PIK3CA: variants seen among roughly 807,000 people sequenced by gnomAD.
The protein encoded by PIK3CA is phosphatidylinositol-4,5-bisphosphate 3-kinase catalytic subunit alpha.
In PIK3CA, 27 loss-of-function variants were observed where a neutral mutation model predicts 138.2. The observed-to-expected ratio is 0.20, with a 90% CI of 0.14 to 0.27. The LOEUF (loss-of-function observed/expected upper bound fraction) is 0.27. Ranked by LOEUF, PIK3CA falls within the 10% of genes least tolerant of loss-of-function variation. PIK3CA has a pLI of 1.00. For synonymous variants in PIK3CA, 358 were observed against 413.2 expected, an observed-to-expected ratio of 0.87 and a Z score of 1.62; for missense variants, 544 against 1,277.4, an observed-to-expected ratio of 0.43 and a Z score of 8.75.
chr3:179,200,448 A>AT (rs1724382199), intron 3 of PIK3CA, among the ~76,000 whole-genome samples: 1 of 152,122 alleles, frequency 6.6e-6, no homozygotes. Flanking sequence ...ATTGTATCAG[A>AT]TAAATATCTA....
At chr3:179,196,167 G>T (rs1005279124) in intron 1 of PIK3CA, among the ~76,000 whole-genome samples, 2 of 152,128 alleles carry the variant, frequency 1.3e-5, no homozygotes, top group Non-Finnish European at 2.9e-5. Flanking sequence ...AACATATGAG[G>T]GTTCCCTGTG....
In PIK3CA at chr3:179,225,998, G is replaced by T. The variant is rs371049193; in HGVS notation, c.2453G>T (p.Arg818Leu). 2 of 1,596,772 alleles carry T rather than the reference G, an allele frequency of 1.3e-6. No individual in the cohort carries two copies. The highest frequency in any genetic ancestry group is 8.6e-7 in the Non-Finnish European group (1 of 1,166,010). Residue 818 changes from arginine to leucine, a missense_variant, in exon 17 of 21, where the codon CGT becomes CTT. This residue lies in a region of PIK3CA where 72 missense variants were observed against 271.8 expected (regional missense o/e 0.26). Transcript: ENST00000263967. ...RQDMLTLQII[R>L]IMENIWQNQG... ...GATATGCTAACACTTCAAATTATTC[G>T]TATTATGGAAAATATCTGGCAAAAT...
chr3:179,200,555 T>C (rs1464895088), intron 3 of PIK3CA, among the ~76,000 whole-genome samples: 1 of 152,194 alleles, frequency 6.6e-6, no homozygotes, highest in Non-Finnish European at 1.5e-5. Flanking sequence ...AGACATCTTA[T>C]TACTATTCGT....
chr3:179,207,549 CTTT>C (rs199712520), intron 6 of PIK3CA, among the ~76,000 whole-genome samples: 10 of 141,416 alleles, frequency 7.1e-5, no homozygotes, highest in Admixed American at 7.1e-5. Flanking sequence ...TTTTTCTTTT[CTTT>C]TTTTTTTTTT....
intron 1 of PIK3CA, among the ~76,000 whole-genome samples, chr3:179,177,406 C>T (rs753069421): frequency 2.0e-5 from 3 of 150,806 alleles, no homozygotes; most frequent in Middle Eastern, 3.4e-3. Context: ...TCCGCCTCCT[C>T]GTTTCAAGTG....
intron 1 of PIK3CA, among the ~76,000 whole-genome samples, chr3:179,167,375 C>T (rs754656698): frequency 2.0e-5 from 3 of 152,002 alleles, no homozygotes; most frequent in Non-Finnish European, 4.4e-5. Context: ...GCTTCTGTTA[C>T]TATCTTTCTA....
intron 1 of PIK3CA, among the ~76,000 whole-genome samples, chr3:179,165,220 C>T (rs1723388285): frequency 6.6e-6 from 1 of 152,058 alleles, no homozygotes; most frequent in African/African-American, 2.4e-5. Flanking sequence ...CAATAATCAC[C>T]CTAAAATACA....
At chr3:179,168,105 C>A (rs1433347117) in intron 1 of PIK3CA, among the ~76,000 whole-genome samples, 1 of 152,006 alleles carries the variant, frequency 6.6e-6, no homozygotes, top group Non-Finnish European at 1.5e-5. Flanking sequence ...GTTATTTGAC[C>A]ACTGGTTCAG....
intron 14 of PIK3CA, among the ~76,000 whole-genome samples, chr3:179,221,472 C>T (rs1178607847): frequency 6.6e-6 from 1 of 152,128 alleles, no homozygotes; most frequent in South Asian, 2.1e-4. Context: ...GATCCCTTTA[C>T]TTTCCCTTCC....
At chr3:179,175,971 A>G (rs1307330875) in intron 1 of PIK3CA, among the ~76,000 whole-genome samples, 1 of 152,192 alleles carries the variant, frequency 6.6e-6, no homozygotes, top group Non-Finnish European at 1.5e-5. Flanking sequence ...GCTCTTGTCT[A>G]TTGGTAAACT....
intron 1 of PIK3CA, among the ~76,000 whole-genome samples, chr3:179,176,601 A>G (rs1424450440): frequency 6.6e-6 from 1 of 152,128 alleles, no homozygotes; most frequent in East Asian, 1.9e-4. Context: ...TTCCTTCACG[A>G]CTTTGCTACA....
At chr3:179,228,179 A>T (rs1246839704) in intron 17 of PIK3CA, among the ~76,000 whole-genome samples, 1 of 152,020 alleles carries the variant, frequency 6.6e-6, no homozygotes, top group African/African-American at 2.4e-5. Flanking sequence ...GAATTTTGAA[A>T]ATTCTAATTT....
chr3:179,163,991 T>C (rs1003961200), intron 1 of PIK3CA, among the ~76,000 whole-genome samples: 1 of 152,140 alleles, frequency 6.6e-6, no homozygotes, highest in African/African-American at 2.4e-5. Flanking sequence ...GCATTAGATA[T>C]AATAATTTAC....
chr3:179,172,491 G>GAA (rs532076726), intron 1 of PIK3CA, among the ~76,000 whole-genome samples: 14,607 of 139,960 alleles, frequency 0.1, 1,121 homozygotes, highest in African/African-American at 0.21. Flanking sequence ...CTACCAAAAA[G>GAA]AAAAAAAAAA....
intron 1 of PIK3CA, among the ~76,000 whole-genome samples, chr3:179,179,174 G>A (rs1723778229): frequency 6.6e-6 from 1 of 152,164 alleles, no homozygotes; most frequent in Admixed American, 6.5e-5. Flanking sequence ...TTACAACCTA[G>A]CATTTTGCTA....
rs1724685820 is a variant in PIK3CA at position 179,210,584 on chromosome 3, TTTA to T, written c.1539+23_1539+25del. Reference sequence around the variant, plus strand: ...AGGACTGGTAAGGCAAATCACTGAGTTTATTAAGTATCAATTATAATCTGTGGA... The same window carrying T: ...AGGACTGGTAAGGCAAATCACTGAGTTTAAGTATCAATTATAATCTGTGGA... On this transcript the variant is annotated intron_variant, in intron 9 of 20. Transcript: ENST00000263967. 6.2e-7 allele frequency: 1 copy of T among 1,609,714 alleles called. No individual in the cohort carries two copies. The highest frequency in any genetic ancestry group is 1.7e-5 in the Admixed American group (1 of 59,446).
Position 179,196,107 on chromosome 3 carries a change from G to A in PIK3CA, c.-76-2643G>A, listed in dbSNP as rs142823597. Among the ~76,000 whole-genome samples, 70 of 152,292 alleles carry A rather than the reference G, an allele frequency of 4.6e-4. No homozygotes were observed. The East Asian group carries it at 0.011, about 24-fold the overall frequency. ...TACAGTAGAATAAGGAATAAAACCA[G>A]TGATCTGTCTACTATAGTAACTAGG... On this transcript the variant is annotated intron_variant, in intron 1 of 20. Coordinates refer to ENST00000263967, the MANE Select transcript of PIK3CA (RefSeq NM_006218.4).
intron 1 of PIK3CA, among the ~76,000 whole-genome samples, chr3:179,171,601 T>C (rs1723560473): frequency 6.6e-6 from 1 of 152,104 alleles, no homozygotes; most frequent in South Asian, 2.1e-4. Flanking sequence ...TAAAGGAATA[T>C]TATGAACAAG....
intron 1 of PIK3CA, among the ~76,000 whole-genome samples, chr3:179,167,452 T>G (rs888270900): frequency 5.9e-5 from 9 of 152,126 alleles, no homozygotes; most frequent in Admixed American, 4.6e-4. Context: ...GATTCCTCAC[T>G]ATGTTAGACA....
Sources: allele counts gnomAD v4.1 joint callset (sites outside exome capture counted in the v4.1 genomes callset), GRCh38; gene constraint gnomAD v4.1.1; regional missense constraint gnomAD v4.1.1; transcripts MANE v1.5; gene names NCBI Gene and HGNC (gene_info 2026-07-23, HGNC 2026-07-21).